TRPM7: variants seen among roughly 807,000 people sequenced by gnomAD.
TRPM7 encodes LTRPC ion channel family member 7.
TRPM7 carries 134 observed loss-of-function variants against 229.7 expected under a neutral mutation model. That is an observed-to-expected ratio of 0.58 (90% CI 0.51 to 0.67). TRPM7 has a LOEUF of 0.67. TRPM7 is among the 30% of genes least tolerant of loss of function. TRPM7 has a pLI of 0.00. For synonymous variants in TRPM7, 699 were observed against 715.2 expected, an observed-to-expected ratio of 0.98 and a Z score of 0.36; for missense variants, 1,901 against 2,210.0, an observed-to-expected ratio of 0.86 and a Z score of 2.80.
chr15:50,621,620 T>A (rs541831517), intron 12 of TRPM7, among the ~76,000 whole-genome samples: 2 of 152,286 alleles, frequency 1.3e-5, no homozygotes, highest in East Asian at 3.9e-4. Context: ...TGTGATATTG[T>A]GAGATTGAAT....
intron 7 of TRPM7, among the ~76,000 whole-genome samples, chr15:50,635,423 A>G (rs1305461497): frequency 2.0e-5 from 3 of 150,320 alleles, no homozygotes; most frequent in Non-Finnish European, 3.0e-5. Flanking sequence ...CAGCACTTTG[A>G]GAGGCCAAGT....
chr15:50,629,773 A>G (rs1053067390), intron 10 of TRPM7, among the ~76,000 whole-genome samples: 1 of 152,140 alleles, frequency 6.6e-6, no homozygotes, highest in Non-Finnish European at 1.5e-5. Context: ...AAATGAGATA[A>G]ATAATGTAAA....
intron 21 of TRPM7, among the ~76,000 whole-genome samples, chr15:50,602,820 C>G (rs751215152): frequency 5.3e-5 from 8 of 152,260 alleles, no homozygotes; most frequent in South Asian, 4.1e-4. Flanking sequence ...AGGGAAAACA[C>G]ACAATGACGG....
chr15:50,655,485 T>C (rs976022499), intron 3 of TRPM7, among the ~76,000 whole-genome samples: 1 of 149,672 alleles, frequency 6.7e-6, no homozygotes, highest in Non-Finnish European at 1.5e-5. Flanking sequence ...GGTAAAAAAT[T>C]TGAACGTGCA....
rs2059885885 is a variant in TRPM7 at position 50,605,080 on chromosome 15, T to A, written c.2774A>T (p.Asn925Ile). The change falls in exon 21 of 39, where the codon AAC (asparagine) becomes ATC (isoleucine). Residue 925 changes from asparagine to isoleucine, a missense_variant. This residue lies in a region of TRPM7 where 207 missense variants were observed against 241.5 expected (regional missense o/e 0.86). Coordinates refer to ENST00000646667, the MANE Select transcript of TRPM7 (RefSeq NM_017672.6). ...KIKVWFSDYFNISDTIAIISF... is the reference protein window; with the variant it reads ...KIKVWFSDYFIISDTIAIISF... The stretch of plus-strand genomic sequence containing the variant: ...AATTATGGCAATTGTATCACTGATG[T>A]TGAAGTAATCACTAAACCATACTTT... 1 of 1,613,504 alleles carries A rather than the reference T, an allele frequency of 6.2e-7. No homozygotes were observed.
Position 50,639,465 on chromosome 15 carries a change from A to G in TRPM7, c.619T>C (p.Trp207Arg). The change falls in exon 6 of 39, where the codon TGG (tryptophan) becomes CGG (arginine). Residue 207 changes from tryptophan to arginine, a missense_variant. Coordinates refer to ENST00000646667, the MANE Select transcript of TRPM7 (RefSeq NM_017672.6). ...TCATTTCTGTTTTCAATCACTCCCC[A>G]TGGAGCTATTCCGATAGTGCAAATC... ...RKICTIGIAP[W>R]GVIENRNDLV... 6.2e-7 allele frequency: 1 copy of G among 1,611,006 alleles called. No individual in the cohort carries two copies. Among genetic ancestry groups the G allele is most frequent in the Non-Finnish European group, 8.5e-7 (1 of 1,177,952 alleles).
intron 10 of TRPM7, among the ~76,000 whole-genome samples, chr15:50,628,693 T>A (rs2060638338): frequency 6.6e-6 from 1 of 152,200 alleles, no homozygotes; most frequent in African/African-American, 2.4e-5. Flanking sequence ...GCCTCAGAGA[T>A]AAGATTAGCC....
At chr15:50,664,021 C>A (rs927506188) in intron 1 of TRPM7, among the ~76,000 whole-genome samples, 1 of 151,830 alleles carries the variant, frequency 6.6e-6, no homozygotes, top group African/African-American at 2.4e-5. Context: ...CAGATTTGGC[C>A]GCGTGCGGTG....
intron 22 of TRPM7, among the ~76,000 whole-genome samples, chr15:50,596,765 C>A (rs1005081868): frequency 2.0e-5 from 3 of 151,548 alleles, no homozygotes; most frequent in Admixed American, 2.0e-4. Context: ...TTTTTTTTTC[C>A]CCTGAGACGG....
At position 50,557,985 on chromosome 15, in the gene TRPM7, C is replaced by G. The variant is rs916952918; in HGVS notation, c.*3693G>C. 6 of 152,136 alleles carry G rather than the reference C, an allele frequency of 3.9e-5. No individual in the cohort carries two copies. Among genetic ancestry groups the G allele is most frequent in the African/African-American group, 1.4e-4 (6 of 41,428 alleles). The allele number at this position is 152,136 out of a possible 1,614,324, so 9.4% of individuals were successfully genotyped here. ...AAGAATATGGTAAAAGAGTTTTATT[C>G]TCTTCAGTAAGATGAGGTTGAGAAT... On this transcript the variant is annotated 3_prime_UTR_variant, in exon 39 of 39. Transcript: ENST00000646667.
chr15:50,560,668 A>T lies in TRPM7; in HGVS notation c.*1010T>A, dbSNP rs189219916. ...GCATAAGGTTGCACTGCAATCTGCCAGTATCACATAATGATAATCCAACTG... is the reference window on the plus strand; with the variant it reads ...GCATAAGGTTGCACTGCAATCTGCCTGTATCACATAATGATAATCCAACTG... On this transcript the variant is annotated 3_prime_UTR_variant, in exon 39 of 39. Transcript: ENST00000646667. 6.5e-6 allele frequency: 1 copy of T among 152,778 alleles called. No individual in the cohort carries two copies. Among genetic ancestry groups the T allele is most frequent in the East Asian group, 1.9e-4 (1 of 5,190 alleles). The allele number at this position is 152,778 out of a possible 1,614,324, so 9.5% of individuals were successfully genotyped here.
intron 7 of TRPM7, 108 bp downstream of exon 7, chr15:50,637,314 T>G: frequency 2.0e-6 from 2 of 1,002,444 alleles, no homozygotes; most frequent in Non-Finnish European, 2.9e-6. Context: ...ATATGTTATC[T>G]TGCTATGTAA....
At chr15:50,679,538 A>ATATTT (rs1400383980) in intron 1 of TRPM7, among the ~76,000 whole-genome samples, 33 of 43,892 alleles carry the variant, frequency 7.5e-4, no homozygotes, top group African/African-American at 2.0e-3. Context: ...ATATATATAT[A>ATATTT]TTTTTTTTTT....
intron 22 of TRPM7, among the ~76,000 whole-genome samples, chr15:50,598,291 G>T (rs1050169568): frequency 6.6e-6 from 1 of 152,196 alleles, no homozygotes; most frequent in African/African-American, 2.4e-5. Flanking sequence ...TATGTTCACA[G>T]GTTATCTAGT....
At chr15:50,633,822 A>G (rs943845109) in intron 8 of TRPM7, among the ~76,000 whole-genome samples, 3 of 152,240 alleles carry the variant, frequency 2.0e-5, no homozygotes, top group Non-Finnish European at 4.4e-5. Context: ...ACGTTAAAAG[A>G]TAAGTGCCTC....
chr15:50,628,482 C>T (rs1000442668), intron 10 of TRPM7, among the ~76,000 whole-genome samples: 4 of 151,962 alleles, frequency 2.6e-5, no homozygotes, highest in Admixed American at 1.3e-4. Context: ...AATTTTTTAA[C>T]TTTTTTGTAG....
At chr15:50,597,072 A>G (rs2059653207) in intron 22 of TRPM7, among the ~76,000 whole-genome samples, 1 of 152,222 alleles carries the variant, frequency 6.6e-6, no homozygotes, top group South Asian at 2.1e-4. Context: ...CAAAACATAT[A>G]CATTTAATAA....
At chr15:50,671,817 T>C (rs1303631003) in intron 1 of TRPM7, among the ~76,000 whole-genome samples, 8 of 151,858 alleles carry the variant, frequency 5.3e-5, no homozygotes, top group Non-Finnish European at 8.8e-5. Flanking sequence ...AAAAAAAAAT[T>C]CCTATGGCCT....
intron 9 of TRPM7, 102 bp from the exon 10 acceptor site, chr15:50,631,591 GT>G: frequency 1.6e-6 from 1 of 615,962 alleles, no homozygotes. Flanking sequence ...AAATATATAT[GT>G]ATGTATCTAG....
Sources: gnomAD v4.1 joint callset for allele counts (sites outside exome capture counted in the v4.1 genomes callset) on GRCh38, gnomAD v4.1.1 for gene constraint, gnomAD v4.1.1 regional missense constraint, MANE v1.5 for transcripts, NCBI Gene and HGNC (gene_info 2026-07-23, HGNC 2026-07-21) for gene names.